RGS6: variants seen among roughly 807,000 people sequenced by gnomAD.
RGS6 encodes regulator of G-protein signaling 6.
RGS6 carries 30 observed loss-of-function variants against 78.5 expected under a neutral mutation model. The observed-to-expected ratio is 0.38, with a 90% CI of 0.29 to 0.52. The LOEUF (loss-of-function observed/expected upper bound fraction) is 0.52. RGS6 is among the 20% of genes least tolerant of loss of function. The pLI is 0.85. For synonymous variants in RGS6, 206 were observed against 206.0 expected (o/e 1.00, Z 0.00); for missense variants, 495 against 609.7 (o/e 0.81, Z 1.98).
At chr14:71,941,222 C>A (rs759866350) in intron 1 of RGS6, among the ~76,000 whole-genome samples, 1 of 152,192 alleles carries the variant, frequency 6.6e-6, no homozygotes, top group Non-Finnish European at 1.5e-5. Context: ...CTCCCTGCCT[C>A]TCATGAGCGG....
At chr14:72,354,449 A>T (rs1296286054) in intron 3 of RGS6, among the ~76,000 whole-genome samples, 1 of 148,112 alleles carries the variant, frequency 6.8e-6, no homozygotes, top group African/African-American at 2.6e-5. Context: ...AACATGGCAA[A>T]ACCCTGTCTC....
chr14:72,316,592 T>C (rs146099570), intron 2 of RGS6, among the ~76,000 whole-genome samples: 2,552 of 152,288 alleles, frequency 0.017, 82 homozygotes, highest in African/African-American at 0.057. Flanking sequence ...CTGCATAGTA[T>C]TCCATGGTGT....
At chr14:72,054,595 C>T (rs946410773) in intron 2 of RGS6, among the ~76,000 whole-genome samples, 3 of 152,174 alleles carry the variant, frequency 2.0e-5, no homozygotes, top group Non-Finnish European at 2.9e-5. Flanking sequence ...CAACTGTCCA[C>T]GCATGATCTC....
chr14:72,163,999 G>T (rs2096890107), intron 2 of RGS6, among the ~76,000 whole-genome samples: 1 of 152,082 alleles, frequency 6.6e-6, no homozygotes, highest in Non-Finnish European at 1.5e-5. Flanking sequence ...CAAGAGGAAG[G>T]TATGCAAAGG....
At chr14:72,162,207 A>G (rs1216338787) in intron 2 of RGS6, among the ~76,000 whole-genome samples, 3 of 152,032 alleles carry the variant, frequency 2.0e-5, no homozygotes, top group Admixed American at 6.6e-5. Flanking sequence ...CTATATGAGG[A>G]AAAAAAGAAA....
Position 72,027,217 on chromosome 14 carries a change from A to G in RGS6, c.84+62342A>G, listed in dbSNP as rs74060459. ...AGGGAAGGACTATGTCCTCTGCTTT[A>G]AGAGAGAGAGAGAGAGAGTGTGTGT... On this transcript the variant is annotated intron_variant, in intron 2 of 17. Coordinates refer to ENST00000553525, the MANE Select transcript of RGS6 (RefSeq NM_001204424.2). Among the ~76,000 whole-genome samples, 1,112 of 149,030 alleles carry G rather than the reference A, an allele frequency of 7.5e-3. 6 individuals carry two copies. The highest frequency in any genetic ancestry group is 0.012 in the Non-Finnish European group (833 of 66,956).
intron 2 of RGS6, among the ~76,000 whole-genome samples, chr14:72,034,670 C>T (rs535129849): frequency 3.3e-5 from 5 of 152,066 alleles, no homozygotes; most frequent in African/African-American, 1.2e-4. Flanking sequence ...TAATGCTGGC[C>T]TCAAAAAAAT....
intron 2 of RGS6, among the ~76,000 whole-genome samples, chr14:72,339,613 T>A (rs1240668234): frequency 6.6e-6 from 1 of 151,992 alleles, no homozygotes; most frequent in Non-Finnish European, 1.5e-5. Context: ...CAGAGGACAT[T>A]TTTTGGTGCA....
chr14:72,361,083 CTTT>C (rs56251149), intron 3 of RGS6, among the ~76,000 whole-genome samples: 7,224 of 138,320 alleles, frequency 0.052, 206 homozygotes, highest in East Asian at 0.19. Flanking sequence ...AATCAAACCT[CTTT>C]TTTTTTTTTT....
chr14:72,598,591 A>G, the RGS6 span, among the ~76,000 whole-genome samples: 1 of 152,160 alleles, frequency 6.6e-6, no homozygotes, highest in Non-Finnish European at 1.5e-5. Context: ...GCAGCCTCGG[A>G]AGACAGAGAG....
In RGS6 at chr14:72,084,333, C is replaced by T. The variant is rs916544230; in HGVS notation, c.84+119458C>T. Reference sequence around the variant, plus strand: ...GTGGTAATGCTCACTCACCCACCGCCCACCTCCTGCTATGCAGCCCAGTTC... The same window carrying T: ...GTGGTAATGCTCACTCACCCACCGCTCACCTCCTGCTATGCAGCCCAGTTC... On this transcript the variant is annotated intron_variant, in intron 2 of 17. Transcript: ENST00000553525. Among the ~76,000 whole-genome samples the T allele has an allele frequency of 4.6e-5, 7 of 152,308 alleles. No homozygotes were observed. The East Asian group carries it at 1.3e-3, about 29-fold the overall frequency.
chr14:71,997,393 G>A (rs905955924), intron 2 of RGS6, among the ~76,000 whole-genome samples: 1 of 152,148 alleles, frequency 6.6e-6, no homozygotes, highest in Non-Finnish European at 1.5e-5. Flanking sequence ...TGAGATACAG[G>A]TTTGAACACT....
chr14:72,448,331 C>A (rs1341068988), intron 3 of RGS6, among the ~76,000 whole-genome samples: 1 of 152,310 alleles, frequency 6.6e-6, no homozygotes, highest in South Asian at 2.1e-4. Context: ...ATTGACCAAA[C>A]AATACTACTT....
intron 2 of RGS6, among the ~76,000 whole-genome samples, chr14:72,036,867 C>A (rs573740326): frequency 1.5e-4 from 23 of 151,962 alleles, no homozygotes; most frequent in Admixed American, 6.6e-4. Flanking sequence ...ATGATTTACC[C>A]CTTTAGTTAT....
At chr14:72,069,500 T>C (rs1220018096) in intron 2 of RGS6, among the ~76,000 whole-genome samples, 1 of 152,172 alleles carries the variant, frequency 6.6e-6, no homozygotes, top group Non-Finnish European at 1.5e-5. Flanking sequence ...TTGTTGTGTG[T>C]TTATTCTATT....
chr14:72,038,745 A>AT (rs967239947), intron 2 of RGS6, among the ~76,000 whole-genome samples: 14 of 152,108 alleles, frequency 9.2e-5, no homozygotes, highest in African/African-American at 2.7e-4. Flanking sequence ...AATATGATCC[A>AT]TTTTTTTACA....
chr14:72,257,730 G>A (rs1325578956), intron 2 of RGS6, among the ~76,000 whole-genome samples: 1 of 152,148 alleles, frequency 6.6e-6, no homozygotes, highest in East Asian at 1.9e-4. Flanking sequence ...TCACCTTCTA[G>A]CAGAGAGAGG....
rs142494732 is a variant in RGS6 at position 72,146,503 on chromosome 14, G to A, written c.84+181628G>A. Among the ~76,000 whole-genome samples the A allele has an allele frequency of 9.8e-3, 1,492 of 152,204 alleles. 21 individuals are homozygous for A. The highest frequency in any genetic ancestry group is 0.034 in the African/African-American group (1,418 of 41,522). On this transcript the variant is annotated intron_variant, in intron 2 of 17. Coordinates refer to ENST00000553525, the MANE Select transcript of RGS6 (RefSeq NM_001204424.2). ...GACTCAAGGCATGATTCACCCTGAG[G>A]CAAATTCCCCTCCAGCTGTGAGCCT...
At chr14:71,999,471 A>G (rs1021114654) in intron 2 of RGS6, among the ~76,000 whole-genome samples, 2 of 152,250 alleles carry the variant, frequency 1.3e-5, no homozygotes, top group African/African-American at 4.8e-5. Flanking sequence ...GAAGAAAGGT[A>G]TAACTCTAAC....
Sources: gnomAD v4.1 joint callset for allele counts (sites outside exome capture counted in the v4.1 genomes callset) on GRCh38, gnomAD v4.1.1 for gene constraint, MANE v1.5 for transcripts, NCBI Gene and HGNC (gene_info 2026-07-23, HGNC 2026-07-21) for gene names.